The following TAB1 variants were observed in gnomAD, a reference collection of about 807,000 sequenced individuals.
TAB1 encodes TGF-beta-activated kinase 1 and MAP3K7-binding protein 1.
A neutral mutation model predicts 54.5 loss-of-function variants in TAB1; 30 were observed. That is an observed-to-expected ratio of 0.55 (90% CI 0.41 to 0.75). TAB1 has a LOEUF of 0.75. TAB1 is among the 30% of genes least tolerant of loss of function. The pLI, the probability that TAB1 is intolerant of heterozygous loss-of-function variation, is 0.00. For synonymous variants in TAB1, 289 were observed against 286.9 expected, an observed-to-expected ratio of 1.01 and a Z score of -0.07; for missense variants, 609 against 683.2, an observed-to-expected ratio of 0.89 and a Z score of 1.21.
chr22:39,413,957 A>G (rs1452092153), intron 1 of TAB1, among the ~76,000 whole-genome samples: 6 of 152,110 alleles, frequency 3.9e-5, no homozygotes, highest in African/African-American at 1.4e-4. Context: ...TACCCTAGGG[A>G]GATCTGGGAA....
intron 1 of TAB1, among the ~76,000 whole-genome samples, chr22:39,403,703 A>G (rs903377194): frequency 2.1e-4 from 31 of 150,992 alleles, no homozygotes; most frequent in Admixed American, 1.8e-3. Context: ...CAGTGGCGCA[A>G]TCTCAGCTCA....
downstream of TAB1, chr22:39,433,608 C>CTA (rs1927670162): frequency 4.1e-6 from 4 of 985,326 alleles, no homozygotes; most frequent in Non-Finnish European, 3.6e-6. Context: ...AGGAGTTGTA[C>CTA]CGTCCTGGTC....
Position 39,415,991 on chromosome 22 carries a change from G to T in TAB1, c.324+338G>T, listed in dbSNP as rs966580857. ...ACCCCTTTCTTTCCTATGTGGTCAG[G>T]TGCTCAGCCTCCAGGTGCAGGAGCC... On this transcript the variant is annotated intron_variant, in intron 3 of 10. Coordinates refer to ENST00000216160, the MANE Select transcript of TAB1 (RefSeq NM_006116.3). The surrounding 1 kb of genome is among the most constrained non-coding windows in gnomAD (Gnocchi z 4.9). Among the ~76,000 whole-genome samples the T allele has an allele frequency of 3.3e-5, 5 of 152,188 alleles. No individual in the cohort carries two copies.
intron 1 of TAB1, among the ~76,000 whole-genome samples, chr22:39,402,604 G>A (rs1055643969): frequency 1.3e-5 from 2 of 152,182 alleles, no homozygotes; most frequent in African/African-American, 4.8e-5. Context: ...CCAGACTGGA[G>A]TGAAGCGGTG....
At chr22:39,434,366 C>T (rs1927706663), downstream of TAB1, among the ~76,000 whole-genome samples, 1 of 152,372 alleles carries the variant, frequency 6.6e-6, no homozygotes, top group Non-Finnish European at 1.5e-5. Flanking sequence ...TCTTGGGCAG[C>T]GGGCGTGGTT....
At chr22:39,426,973 G>A (rs779248138) in intron 9 of TAB1, 48 bp downstream of exon 9, 3 of 1,577,778 alleles carry the variant, frequency 1.9e-6, no homozygotes, top group African/African-American at 2.7e-5. Flanking sequence ...CCATCTGGGG[G>A]CCAGAGGTGG....
chr22:39,434,405 A>G (rs1282074370), downstream of TAB1, among the ~76,000 whole-genome samples: 1 of 152,126 alleles, frequency 6.6e-6, no homozygotes, highest in Admixed American at 6.5e-5. Context: ...AAGTGCAGAC[A>G]GGGGCTGTGG....
chr22:39,408,966 T>G (rs1185511052), intron 1 of TAB1, among the ~76,000 whole-genome samples: 2 of 152,236 alleles, frequency 1.3e-5, no homozygotes, highest in African/African-American at 2.4e-5. Context: ...AGGAGGTAAC[T>G]GTGATTACAG....
rs114151120 is a variant in TAB1 at position 39,426,944 on chromosome 22, C to G, written c.1144+19C>G. On this transcript the variant is annotated intron_variant, in intron 9 of 10. Coordinates refer to ENST00000216160, the MANE Select transcript of TAB1 (RefSeq NM_006116.3). ...GCCCCAGGTACGTGTGCTGTGCAGA[C>G]AGGCAGTGCCTGGGGATGCCATCTG... The G allele has an allele frequency of 3.8e-4, 616 of 1,601,428 alleles. 2 individuals are homozygous for G. The African/African-American group carries it at 7.5e-3, about 20-fold the overall frequency.
chr22:39,417,576 A>G (rs1024554596), intron 4 of TAB1, 135 bp from the exon 5 acceptor site: 18 of 806,282 alleles, frequency 2.2e-5, no homozygotes, highest in East Asian at 1.8e-4. Flanking sequence ...AGCCGAGATC[A>G]TGCCACTGCA....
chr22:39,409,388 C>T (rs1305628064), intron 1 of TAB1, among the ~76,000 whole-genome samples: 1 of 152,234 alleles, frequency 6.6e-6, no homozygotes, highest in African/African-American at 2.4e-5. Context: ...CAACATTTAT[C>T]AGTTACCTGA....
chr22:39,433,580 C>G (rs954743835), downstream of TAB1: 5 of 985,342 alleles, frequency 5.1e-6, no homozygotes, highest in Non-Finnish European at 6.0e-6. Context: ...GCCGCAGCAC[C>G]CGTGAGCCAT....
rs567476522 is a variant in TAB1, at chr22:39,416,865, G to T, written c.399G>T (p.Ser133=). ...DALAEKASLQ[S]QLPEGVPQHQ... ...TGGCTGAGAAGGCAAGCCTCCAGTC[G>T]CAATTGCCAGAGGTAATTTCCCCAG... Residue 133 remains serine (S), a synonymous_variant, in exon 4 of 11, where the codon TCG becomes TCT. Transcript: ENST00000216160. 3 of 1,614,048 alleles carry T rather than the reference G, an allele frequency of 1.9e-6. No homozygotes were observed. Among genetic ancestry groups the T allele is most frequent in the Admixed American group, 1.7e-5 (1 of 59,988 alleles).
At chr22:39,399,972 CCTCGGGCT>C in intron 1 of TAB1, 137 bp downstream of exon 1, 2 of 1,001,772 alleles carry the variant, frequency 2.0e-6, no homozygotes, top group South Asian at 3.0e-5. Context: ...CTTCTCCTCT[CCTCGGGCT>C]GGCCCCCTCG....
At chr22:39,409,560 G>A (rs1926520174) in intron 1 of TAB1, among the ~76,000 whole-genome samples, 2 of 152,140 alleles carry the variant, frequency 1.3e-5, no homozygotes, top group South Asian at 2.1e-4. Flanking sequence ...TCGTGCTTCC[G>A]TAAACCTGAC....
At chr22:39,402,795 G>A (rs925824873) in intron 1 of TAB1, among the ~76,000 whole-genome samples, 1 of 151,932 alleles carries the variant, frequency 6.6e-6, no homozygotes, top group Non-Finnish European at 1.5e-5. Flanking sequence ...CAAGCAATCC[G>A]CCTGCCTGGG....
downstream of TAB1, chr22:39,433,074 A>G (rs1927648125): frequency 1.0e-6 from 1 of 985,372 alleles, no homozygotes; most frequent in South Asian, 4.7e-5. Context: ...TGCCTCCCAT[A>G]GCCTCCGTGG....
At chr22:39,413,701 G>A (rs1455258474) in intron 1 of TAB1, among the ~76,000 whole-genome samples, 4 of 152,124 alleles carry the variant, frequency 2.6e-5, no homozygotes, top group African/African-American at 9.7e-5. Context: ...CTGGGATTAC[G>A]GGCGTGAGCC....
intron 7 of TAB1, among the ~76,000 whole-genome samples, chr22:39,420,072 C>G (rs554811533): frequency 5.3e-5 from 8 of 152,206 alleles, no homozygotes; most frequent in Non-Finnish European, 1.2e-4. Context: ...CGGTGCTGCC[C>G]ATGGCTGCAG....
Sources: gnomAD v4.1 joint callset for allele counts (sites outside exome capture counted in the v4.1 genomes callset) on GRCh38, gnomAD v4.1.1 for gene constraint, Gnocchi (gnomAD v3.1) non-coding constraint, MANE v1.5 for transcripts, NCBI Gene and HGNC (gene_info 2026-07-23, HGNC 2026-07-21) for gene names.